ZNF345: variants seen among roughly 807,000 people sequenced by gnomAD.
ZNF345 encodes zinc finger protein HZF10.
For synonymous variants in ZNF345, 166 were observed against 187.9 expected (o/e 0.88, Z 0.95); for missense variants, 527 against 589.9 (o/e 0.89, Z 1.10).
At chr19:36,857,624 A>C (rs373420940) in intron 2 of ZNF345, among the ~76,000 whole-genome samples, 8 of 151,928 alleles carry the variant, frequency 5.3e-5, no homozygotes, top group South Asian at 2.1e-4. Flanking sequence ...AATACTTCCA[A>C]AATAATTTCA....
chr19:36,877,913 C>T lies in ZNF345; in HGVS notation c.1083C>T (p.His361=). 1 of 1,602,572 alleles carries T rather than the reference C, an allele frequency of 6.2e-7. No homozygotes were observed. The highest frequency in any genetic ancestry group is 1.1e-5 in the South Asian group (1 of 89,968). The change falls in exon 3 of 3, where the codon CAC becomes CAT. Residue 361 remains histidine (H), a synonymous_variant. Transcript: ENST00000420450. ...GTGGTTCAGACCTTACTCAACATCA[C>T]AGAATTCATACTGGTGAGAAACCCT... The part of the protein sequence containing the change: ...FSSGSDLTQH[H]RIHTGEKPYE...
chr19:36,854,235 G>GTTT (rs34215056), intron 2 of ZNF345, among the ~76,000 whole-genome samples: 18 of 138,696 alleles, frequency 1.3e-4, no homozygotes, highest in African/African-American at 1.3e-4. Context: ...CCTGGGTTTT[G>GTTT]TTTTTTTTTT....
chr19:36,883,074 A>G (rs1193687490), downstream of ZNF345, among the ~76,000 whole-genome samples: 2 of 152,180 alleles, frequency 1.3e-5, no homozygotes, highest in Non-Finnish European at 2.9e-5. Context: ...GTAGAGCTGC[A>G]CTAGGTCTGT....
At chr19:36,890,230 A>G (rs974034947) in intron 3 of ZNF345, 1 of 152,170 alleles carries the variant, frequency 6.6e-6, no homozygotes, top group Non-Finnish European at 1.5e-5. Context: ...AGAAGAGTAT[A>G]TATTCTGTGG....
At chr19:36,890,926 A>G (rs1423636455) in intron 3 of ZNF345, 4 of 152,264 alleles carry the variant, frequency 2.6e-5, no homozygotes, top group African/African-American at 9.6e-5. Context: ...TATATTAGAC[A>G]AAATCATTCT....
intron 2 of ZNF345, among the ~76,000 whole-genome samples, chr19:36,862,237 C>T (rs756141319): frequency 6.6e-6 from 1 of 151,998 alleles, no homozygotes; most frequent in African/African-American, 2.4e-5. Flanking sequence ...GGTTTTTTCC[C>T]CCATTAAAGT....
intron 2 of ZNF345, among the ~76,000 whole-genome samples, chr19:36,855,771 G>T (rs992225020): frequency 7.9e-5 from 12 of 151,774 alleles, no homozygotes; most frequent in Non-Finnish European, 1.2e-4. Flanking sequence ...TTTTAACTAC[G>T]CTTTTCTCTT....
chr19:36,892,864 G>A (rs1025379699), exon 4 of ZNF345: 62 of 1,150,464 alleles, frequency 5.4e-5, no homozygotes, highest in Non-Finnish European at 6.4e-5. Context: ...TCTCCTCGTC[G>A]TACAGCTTGT....
At chr19:36,864,534 A>T (rs563421266) in intron 2 of ZNF345, among the ~76,000 whole-genome samples, 37 of 150,312 alleles carry the variant, frequency 2.5e-4, no homozygotes, top group Admixed American at 4.0e-4. Flanking sequence ...TAAAAAATTT[A>T]AAAAAAAAAT....
chr19:36,866,291 T>C (rs888340142), intron 2 of ZNF345, among the ~76,000 whole-genome samples: 1 of 152,120 alleles, frequency 6.6e-6, no homozygotes, highest in African/African-American at 2.4e-5. Flanking sequence ...TTAGGTTAAG[T>C]GATAATACCC....
intron 2 of ZNF345, chr19:36,862,935 C>G (rs1294187136): frequency 2.0e-5 from 3 of 152,080 alleles, no homozygotes; most frequent in Admixed American, 2.0e-4. Flanking sequence ...TTTGGACACA[C>G]AGAGAGATGC....
At position 36,877,838 on chromosome 19, in the gene ZNF345, T is replaced by G. The variant is rs199679289; in HGVS notation, c.1008T>G (p.His336Gln). The G allele has an allele frequency of 5.8e-5, 93 of 1,613,662 alleles. No homozygotes were observed. Among genetic ancestry groups the G allele is most frequent in the Non-Finnish European group, 7.1e-5 (84 of 1,179,940 alleles). The change falls in exon 3 of 3, where the codon CAT (histidine) becomes CAG (glutamine). Residue 336 changes from histidine to glutamine, a missense_variant. Coordinates refer to ENST00000420450, the MANE Select transcript of ZNF345 (RefSeq NM_001242472.2). The part of the protein sequence containing the change: ...GSKLIQHQRM[H>Q]TGEKPYECKE... The stretch of plus-strand genomic sequence containing the variant: ...AACTTATTCAGCATCAAAGAATGCA[T>G]ACTGGAGAGAAACCTTATGAATGTA...
intron 2 of ZNF345, among the ~76,000 whole-genome samples, chr19:36,861,039 G>A (rs1043676477): frequency 4.6e-5 from 7 of 151,856 alleles, no homozygotes; most frequent in Admixed American, 6.6e-5. Flanking sequence ...CCACTTATTC[G>A]TTTATGTCAA....
intron 2 of ZNF345, among the ~76,000 whole-genome samples, chr19:36,873,046 A>AT (rs1377059556): frequency 6.6e-6 from 1 of 151,314 alleles, no homozygotes; most frequent in Non-Finnish European, 1.5e-5. Context: ...ATATTTTCCT[A>AT]TTTTCCATTT....
Position 36,877,107 on chromosome 19 carries a change from A to G in ZNF345, c.277A>G (p.Lys93Glu). 1 of 1,614,134 alleles carries G rather than the reference A, an allele frequency of 6.2e-7. No individual in the cohort carries two copies. The highest frequency in any genetic ancestry group is 1.1e-5 in the South Asian group (1 of 91,088). ...IHTGEKPYEC[K>E]ECGKAFGSGA... ...TACTGGTGAGAAACCTTATGAATGC[A>G]AAGAATGTGGCAAGGCCTTTGGTAG... The change falls in exon 3 of 3, where the codon AAA becomes GAA. Residue 93 changes from lysine to glutamate, a missense_variant. By Grantham distance (56) the Lys-to-Glu change is moderately conservative (BLOSUM62 1). Transcript: ENST00000420450.
intron 3 of ZNF345, among the ~76,000 whole-genome samples, chr19:36,887,588 C>T (rs1315907234): frequency 6.6e-6 from 1 of 152,132 alleles, no homozygotes; most frequent in Non-Finnish European, 1.5e-5. Context: ...TCCTGTGTAT[C>T]CACAGAGCCG....
chr19:36,856,953 C>A (rs2072432257), intron 2 of ZNF345, among the ~76,000 whole-genome samples: 1 of 151,996 alleles, frequency 6.6e-6, no homozygotes, highest in Non-Finnish European at 1.5e-5. Flanking sequence ...AAACAAAGGT[C>A]ATCTGTAATC....
At chr19:36,892,755 C>T in intron 3 of ZNF345, 1 of 497,438 alleles carries the variant, frequency 2.0e-6, no homozygotes, top group Non-Finnish European at 3.4e-6. Flanking sequence ...TGTTCAGCAC[C>T]ATCCTCCATA....
intron 2 of ZNF345, among the ~76,000 whole-genome samples, chr19:36,854,091 G>A (rs1432429303): frequency 2.0e-5 from 3 of 152,054 alleles, no homozygotes; most frequent in Non-Finnish European, 2.9e-5. Context: ...TTCTCAACAA[G>A]GTCTTGTTTA....
Sources: allele counts gnomAD v4.1 joint callset (sites outside exome capture counted in the v4.1 genomes callset), GRCh38; gene constraint gnomAD v4.1.1; transcripts MANE v1.5; gene names NCBI Gene and HGNC (gene_info 2026-07-23, HGNC 2026-07-21).